Variants in CRPPA observed in about 807,000 individuals in gnomAD.
CRPPA encodes CDP-L-ribitol pyrophosphorylase A.
A neutral mutation model predicts 52.0 loss-of-function variants in CRPPA; 43 were observed. The observed-to-expected ratio is 0.83, with a 90% CI of 0.65 to 1.07. The LOEUF (loss-of-function observed/expected upper bound fraction) is 1.07. CRPPA is among the 50% of genes least tolerant of loss of function. CRPPA has a pLI of 0.00. For missense variants in CRPPA, 629 were observed against 551.7 expected (o/e 1.14, Z -1.40); for synonymous variants, 250 against 203.5 (o/e 1.23, Z -1.94).
rs547488139 is a variant in CRPPA, at chr7:16,291,666, T to C, written c.835+9755A>G. ...AGAAGAAATAAGTTTTAAGGTTCAA[T>C]AGCCTAATAGGTTGACTATTCGTAG... On this transcript the variant is annotated intron_variant, in intron 5 of 9. Coordinates refer to ENST00000407010, the MANE Select transcript of CRPPA (RefSeq NM_001101426.4). Among the ~76,000 whole-genome samples the C allele has an allele frequency of 2.0e-5, 3 of 151,956 alleles. No individual in the cohort carries two copies. The East Asian group carries it at 5.8e-4, about 29-fold the overall frequency.
chr7:16,156,921 A>C (rs567303685), intron 9 of CRPPA, among the ~76,000 whole-genome samples: 1 of 152,360 alleles, frequency 6.6e-6, no homozygotes, highest in Non-Finnish European at 1.5e-5. Flanking sequence ...CAATATAAAT[A>C]GCAAAATACA....
At position 16,149,713 on chromosome 7, in the gene CRPPA, C is replaced by CG. The variant is rs374967026; in HGVS notation, c.1252-57915dup. ...ATTGATAAAAACTATTGGCCAGGAG[C>CG]GGGGGCTCACGCCTGTAATCCCAGC... is the stretch of plus-strand genomic sequence containing the variant. On this transcript the variant is annotated intron_variant, in intron 9 of 9. Coordinates refer to ENST00000407010, the MANE Select transcript of CRPPA (RefSeq NM_001101426.4). Among the ~76,000 whole-genome samples, 3 of 152,204 alleles carry CG rather than the reference C, an allele frequency of 2.0e-5. No individual in the cohort carries two copies. In the East Asian group the frequency reaches 5.8e-4, roughly 29 times the overall value.
At chr7:16,302,373 T>C (rs1784808250) in intron 4 of CRPPA, among the ~76,000 whole-genome samples, 1 of 149,530 alleles carries the variant, frequency 6.7e-6, no homozygotes, top group Admixed American at 6.7e-5. Context: ...CCTGCCAACA[T>C]GGCATGTGTC....
chr7:16,245,827 A>G (rs1783257599), intron 8 of CRPPA, among the ~76,000 whole-genome samples: 1 of 152,200 alleles, frequency 6.6e-6, no homozygotes, highest in Non-Finnish European at 1.5e-5. Flanking sequence ...CGTGCACAAT[A>G]GCATTATGAC....
intron 3 of CRPPA, among the ~76,000 whole-genome samples, chr7:16,346,781 T>C (rs1420023110): frequency 6.6e-6 from 1 of 152,038 alleles, no homozygotes; most frequent in Admixed American, 6.6e-5. Flanking sequence ...CTAGTCCTCA[T>C]GAAAAACCAC....
At chr7:16,354,914 A>C (rs887232348) in intron 3 of CRPPA, among the ~76,000 whole-genome samples, 3 of 152,216 alleles carry the variant, frequency 2.0e-5, no homozygotes, top group Non-Finnish European at 4.4e-5. Flanking sequence ...TTAAACCAGA[A>C]AGATGAAAAC....
At chr7:16,389,110 G>C (rs1364105730) in intron 2 of CRPPA, among the ~76,000 whole-genome samples, 1 of 152,128 alleles carries the variant, frequency 6.6e-6, no homozygotes, top group African/African-American at 2.4e-5. Flanking sequence ...AATTGAATTA[G>C]TAATTTAGAA....
At chr7:16,266,723 C>A (rs982478233) in intron 6 of CRPPA, among the ~76,000 whole-genome samples, 3 of 152,170 alleles carry the variant, frequency 2.0e-5, no homozygotes, top group Non-Finnish European at 2.9e-5. Flanking sequence ...AGGTGATCCA[C>A]CCGCCTCGGC....
chr7:16,277,119 G>C (rs1409800939), intron 6 of CRPPA: 1 of 151,998 alleles, frequency 6.6e-6, no homozygotes, highest in Admixed American at 6.6e-5. Flanking sequence ...TTAGAACATA[G>C]ATGTTATTAA....
intron 8 of CRPPA, among the ~76,000 whole-genome samples, chr7:16,227,462 T>C (rs559211552): frequency 6.6e-6 from 1 of 152,008 alleles, no homozygotes; most frequent in South Asian, 2.1e-4. Flanking sequence ...ATTGTGGTTG[T>C]GATTTACACT....
intron 5 of CRPPA, among the ~76,000 whole-genome samples, chr7:16,300,141 C>T (rs1227926804): frequency 6.6e-6 from 1 of 152,120 alleles, no homozygotes; most frequent in Non-Finnish European, 1.5e-5. Context: ...CAAACAGATG[C>T]ATAAGTTATA....
intron 3 of CRPPA, among the ~76,000 whole-genome samples, chr7:16,321,088 C>T (rs1041339997): frequency 6.6e-6 from 1 of 152,060 alleles, no homozygotes; most frequent in African/African-American, 2.4e-5. Flanking sequence ...TCTAGCCCCA[C>T]CTAACCAAAA....
chr7:16,195,362 C>A (rs937383738), intron 9 of CRPPA, among the ~76,000 whole-genome samples: 1 of 152,062 alleles, frequency 6.6e-6, no homozygotes, highest in Non-Finnish European at 1.5e-5. Flanking sequence ...TCTCTTAATA[C>A]TTCACTGAAA....
chr7:16,131,550 T>C (rs1476353110), intron 9 of CRPPA, among the ~76,000 whole-genome samples: 3 of 152,124 alleles, frequency 2.0e-5, no homozygotes, highest in Non-Finnish European at 4.4e-5. Context: ...TTGACAGCCA[T>C]GTGCAGAGTG....
rs138827598 is a variant in CRPPA at position 16,180,131 on chromosome 7, G to C, written c.1251+35935C>G. 2.0e-3 allele frequency among the ~76,000 whole-genome samples: 308 copies of C among 152,100 alleles called. 1 individual carries two copies. Among genetic ancestry groups the C allele is most frequent in the Non-Finnish European group, 3.2e-3 (220 of 67,968 alleles). ...ATATTCTTGTACGATACAGACAAGA[G>C]GTCCTCAACCCAAGTTGCATGTTAG... is the stretch of plus-strand genomic sequence containing the variant. On this transcript the variant is annotated intron_variant, in intron 9 of 9. Coordinates refer to ENST00000407010, the MANE Select transcript of CRPPA (RefSeq NM_001101426.4).
chr7:16,247,041 C>G (rs1156780914), intron 8 of CRPPA, among the ~76,000 whole-genome samples: 1 of 152,248 alleles, frequency 6.6e-6, no homozygotes, highest in Admixed American at 6.5e-5. Flanking sequence ...ATTGAAAAAT[C>G]TGTCATTTAG....
intron 2 of CRPPA, among the ~76,000 whole-genome samples, chr7:16,390,797 G>T (rs1322841996): frequency 6.6e-6 from 1 of 152,174 alleles, no homozygotes; most frequent in Non-Finnish European, 1.5e-5. Flanking sequence ...ATAGGAAATG[G>T]AAGTGCTGTG....
At chr7:16,302,023 G>A (rs551202531) in intron 4 of CRPPA, among the ~76,000 whole-genome samples, 95 of 152,228 alleles carry the variant, frequency 6.2e-4, no homozygotes, top group African/African-American at 2.2e-3. Context: ...TAAGAACAAT[G>A]ATGATCTTTC....
chr7:16,223,519 C>T (rs894153076), intron 8 of CRPPA, among the ~76,000 whole-genome samples: 7 of 152,074 alleles, frequency 4.6e-5, no homozygotes, highest in African/African-American at 9.7e-5. Context: ...GATGCAAAGG[C>T]GTGATGATGA....
Sources: allele counts gnomAD v4.1 joint callset (sites outside exome capture counted in the v4.1 genomes callset), GRCh38; gene constraint gnomAD v4.1.1; transcripts MANE v1.5; gene names NCBI Gene and HGNC (gene_info 2026-07-23, HGNC 2026-07-21).